The following SNRNP40 variants were observed in gnomAD, a reference collection of about 807,000 sequenced individuals.
SNRNP40 encodes U5 small nuclear ribonucleoprotein 40 kDa protein.
A neutral mutation model predicts 45.8 loss-of-function variants in SNRNP40; 21 were observed. That is an observed-to-expected ratio of 0.46 (90% CI 0.32 to 0.66). The LOEUF (loss-of-function observed/expected upper bound fraction) is 0.66, where lower values mean the gene tolerates loss of function less well. Among genes scored for constraint, SNRNP40 ranks in the 30% least tolerant of loss-of-function variants. SNRNP40 has a pLI of 0.03. For missense variants in SNRNP40, 344 were observed against 439.1 expected (o/e 0.78, Z 1.94); for synonymous variants, 142 against 163.8 (o/e 0.87, Z 1.01).
chr1:31,262,254 T>A (rs1254338511), intron 8 of SNRNP40, among the ~76,000 whole-genome samples: 1 of 152,052 alleles, frequency 6.6e-6, no homozygotes, highest in Non-Finnish European at 1.5e-5. Flanking sequence ...GAGTGGTGGC[T>A]CATGCCTGTA....
chr1:31,281,616 A>T, intron 4 of SNRNP40, 120 bp from the exon 5 acceptor site: 1 of 815,412 alleles, frequency 1.2e-6, no homozygotes, highest in Non-Finnish European at 1.8e-6. Context: ...TTGGGATCCT[A>T]TATCACTAAC....
intron 2 of SNRNP40, among the ~76,000 whole-genome samples, chr1:31,292,511 C>T (rs1646114944): frequency 6.6e-6 from 1 of 152,206 alleles, no homozygotes; most frequent in Non-Finnish European, 1.5e-5. Context: ...AGAGCCGGAA[C>T]ATCCAAATCA....
chr1:31,290,361 C>T (rs1028855675), intron 3 of SNRNP40, among the ~76,000 whole-genome samples: 1 of 152,070 alleles, frequency 6.6e-6, no homozygotes, highest in African/African-American at 2.4e-5. Context: ...AAAATGTATA[C>T]AATGCTATGT....
At chr1:31,261,351 A>C (rs1645857836) in intron 9 of SNRNP40, among the ~76,000 whole-genome samples, 178 bp downstream of exon 9, 1 of 152,120 alleles carries the variant, frequency 6.6e-6, no homozygotes, top group South Asian at 2.1e-4. Flanking sequence ...ACTGTCTCAA[A>C]AACAAAACAA....
chr1:31,277,773 C>A (rs1645986164), intron 5 of SNRNP40, among the ~76,000 whole-genome samples: 2 of 152,228 alleles, frequency 1.3e-5, no homozygotes, highest in Admixed American at 1.3e-4. Flanking sequence ...TGGCTCACCA[C>A]AACCCCCACC....
intron 8 of SNRNP40, 25 bp from the exon 9 acceptor site, chr1:31,261,657 G>C: frequency 6.6e-7 from 1 of 1,518,800 alleles, no homozygotes; most frequent in Non-Finnish European, 9.1e-7. Flanking sequence ...GAAAAGCAAG[G>C]GTAAGTCCTC....
At chr1:31,276,321 G>GC (rs1391277217) in intron 5 of SNRNP40, among the ~76,000 whole-genome samples, 8 of 152,328 alleles carry the variant, frequency 5.3e-5, no homozygotes, top group Admixed American at 5.2e-4. Context: ...GTTACAGTGA[G>GC]CTATGATTCC....
At position 31,259,719 on chromosome 1, in the gene SNRNP40, A is replaced by G. The variant is rs747025737; in HGVS notation, c.*353T>C. 4.3e-6 allele frequency: 2 copies of G among 462,964 alleles called. No homozygotes were observed. The allele number at this position is 462,964 out of a possible 1,614,324, so 28.7% of individuals were successfully genotyped here. A position where few individuals can be genotyped will look rare whatever the true frequency, so the allele number is the denominator to read the frequency against. On this transcript the variant is annotated 3_prime_UTR_variant, in exon 10 of 10. Coordinates refer to ENST00000263694, the MANE Select transcript of SNRNP40 (RefSeq NM_004814.3). ...TGGCTTTTAATACAAAATGATATAG[A>G]GAAATACAGAAAGAAAATATCATAC...
In SNRNP40 at chr1:31,296,679, G is replaced by A. The variant is rs768271835; in HGVS notation, c.73C>T (p.Leu25=). The change falls in exon 1 of 10, where the codon CTG becomes TTG. Residue 25 remains leucine, a synonymous_variant. Transcript: ENST00000263694. ...VPVKRQRHEL[L]LGAGSGPGAG... is the part of the protein sequence containing the mutation. ...CCTGGGCCAGACCCCGCTCCCAACA[G>A]CAACTCATGCCGCTGCCGCTTGACT... 3.1e-6 allele frequency: 5 copies of A among 1,613,956 alleles called. No homozygotes were observed. The highest frequency in any genetic ancestry group is 2.2e-5 in the South Asian group (2 of 91,066).
At chr1:31,267,831 C>G in intron 8 of SNRNP40, 40 bp downstream of exon 8, 2 of 1,529,422 alleles carry the variant, frequency 1.3e-6, no homozygotes. Flanking sequence ...CGCATCCGGC[C>G]AGCTACATCA....
intron 5 of SNRNP40, among the ~76,000 whole-genome samples, chr1:31,274,612 A>T: frequency 7.1e-6 from 1 of 140,990 alleles, no homozygotes; most frequent in East Asian, 2.2e-4. Context: ...GAGCCACTAC[A>T]CCTGGCCTAA....
chr1:31,265,112 G>A (rs537438824), intron 8 of SNRNP40, among the ~76,000 whole-genome samples: 15 of 141,122 alleles, frequency 1.1e-4, no homozygotes, highest in African/African-American at 2.3e-4. Flanking sequence ...CTCATACCAC[G>A]CTTTCACATG....
At chr1:31,290,509 G>A (rs1208213345) in intron 3 of SNRNP40, among the ~76,000 whole-genome samples, 2 of 152,050 alleles carry the variant, frequency 1.3e-5, no homozygotes, top group African/African-American at 2.4e-5. Flanking sequence ...AAATAATATA[G>A]TCATTAAAAT....
intron 9 of SNRNP40, chr1:31,260,875 A>AG: frequency 1.7e-6 from 1 of 602,736 alleles, no homozygotes; most frequent in Non-Finnish European, 2.0e-6. Context: ...AAAAAAAAAA[A>AG]AAAAAGTATC....
At chr1:31,278,159 A>G (rs571327888) in intron 5 of SNRNP40, among the ~76,000 whole-genome samples, 55 of 152,310 alleles carry the variant, frequency 3.6e-4, no homozygotes, top group Non-Finnish European at 1.3e-4. Context: ...AAGGAATCCT[A>G]TACATATATA....
intron 3 of SNRNP40, among the ~76,000 whole-genome samples, chr1:31,290,747 G>A (rs537575535): frequency 2.0e-5 from 3 of 151,996 alleles, no homozygotes; most frequent in Admixed American, 6.6e-5. Context: ...GCATGGTGGC[G>A]GGCACCTGTA....
rs772160357 is a variant in SNRNP40 at position 31,259,818 on chromosome 1, AAAAAAG to A, written c.*248_*253del. The A allele has an allele frequency of 6.2e-6, 4 of 644,208 alleles. No homozygotes were observed. In the South Asian group the frequency reaches 6.4e-5, roughly 10 times the overall value. The allele number at this position is 644,208 out of a possible 1,614,324, so 39.9% of individuals were successfully genotyped here. On this transcript the variant is annotated 3_prime_UTR_variant, in exon 10 of 10. Coordinates refer to ENST00000263694, the MANE Select transcript of SNRNP40 (RefSeq NM_004814.3). ...CATTGGGCCTGCATTAGAAAACAGGAAAAAAGAAAAAGAAAAAAAAAAACAGTCCCT... is the reference window on the plus strand; with the variant it reads ...CATTGGGCCTGCATTAGAAAACAGGAAAAAAGAAAAAAAAAAACAGTCCCT...
In SNRNP40 at chr1:31,296,632, C is replaced by A; in HGVS notation, c.120G>T (p.Thr40=). ...SGPGAGQQQA[T]PGALLQAGPP... is the part of the protein sequence containing the mutation. The stretch of plus-strand genomic sequence containing the variant: ...TTACCGCTTGCAGCAAGGCTCCCGG[C>A]GTCGCCTGCTGCTGCCCGGCTCCTG... The change falls in exon 1 of 10, where the codon ACG becomes ACT. Residue 40 remains threonine, a synonymous_variant. Transcript: ENST00000263694. 1.2e-6 allele frequency: 2 copies of A among 1,612,098 alleles called. No homozygotes were observed. The highest frequency in any genetic ancestry group is 1.7e-6 in the Non-Finnish European group (2 of 1,179,244).
chr1:31,286,530 A>T (rs1176096619), intron 4 of SNRNP40, among the ~76,000 whole-genome samples: 1 of 152,116 alleles, frequency 6.6e-6, no homozygotes. Context: ...TTCTCCAAGC[A>T]TGCAGTCATC....
Sources: gnomAD v4.1 joint callset for allele counts (sites outside exome capture counted in the v4.1 genomes callset) on GRCh38, gnomAD v4.1.1 for gene constraint, MANE v1.5 for transcripts, NCBI Gene and HGNC (gene_info 2026-07-23, HGNC 2026-07-21) for gene names.